Variants in TBC1D1 observed in about 807,000 individuals in gnomAD.
The protein encoded by TBC1D1 is TBC1 (tre-2/USP6, BUB2, cdc16) domain family, member 1.
Under a neutral mutation model 125.6 loss-of-function variants are expected in TBC1D1, and 89 were observed. The ratio of observed to expected loss-of-function variants is 0.71; its 90% confidence interval spans 0.60 to 0.85. The LOEUF is 0.85. Ranked by LOEUF, TBC1D1 falls within the 40% of genes least tolerant of loss-of-function variation. The pLI is 0.00. For missense variants in TBC1D1, 1,377 were observed against 1,469.2 expected (o/e 0.94, Z 1.03); for synonymous variants, 565 against 564.1 (o/e 1.00, Z -0.02).
intron 10 of TBC1D1, among the ~76,000 whole-genome samples, chr4:38,047,667 A>G (rs903392741): frequency 1.3e-5 from 2 of 152,180 alleles, no homozygotes; most frequent in Non-Finnish European, 2.9e-5. Context: ...AGAGTGTGGT[A>G]GGAGCCCAGA....
At chr4:38,078,798 G>A (rs781064425) in intron 12 of TBC1D1, among the ~76,000 whole-genome samples, 27 of 152,202 alleles carry the variant, frequency 1.8e-4, no homozygotes, top group South Asian at 2.1e-4. Context: ...AGAGCAGCCC[G>A]AGCTCCATTC....
rs1721986466 is a variant in TBC1D1 at position 37,925,803 on chromosome 4, T to A, written c.417+23291T>A. On this transcript the variant is annotated intron_variant, in intron 2 of 19. Coordinates refer to ENST00000261439, the MANE Select transcript of TBC1D1 (RefSeq NM_015173.4). ...CACCCTATAATCATGCCACTTGAGA[T>A]AACTGTTCTAAAAAAAAAGTTTAAA... Among the ~76,000 whole-genome samples, 2 of 151,780 alleles carry A rather than the reference T, an allele frequency of 1.3e-5. 1 individual carries two copies. The highest frequency in any genetic ancestry group is 1.3e-4 in the Admixed American group (2 of 15,252).
chr4:38,093,661 A>G (rs1049531857), intron 13 of TBC1D1, among the ~76,000 whole-genome samples: 1 of 151,558 alleles, frequency 6.6e-6, no homozygotes, highest in African/African-American at 2.4e-5. Flanking sequence ...AGTAGATTAC[A>G]GGCACCCACC....
At chr4:38,025,022 A>T (rs191356406) in intron 6 of TBC1D1, among the ~76,000 whole-genome samples, 86 of 152,366 alleles carry the variant, frequency 5.6e-4, no homozygotes, top group African/African-American at 2.1e-3. Context: ...TTTGAATCAT[A>T]TACAACTCAG....
intron 8 of TBC1D1, among the ~76,000 whole-genome samples, chr4:38,040,381 C>T (rs1237644077): frequency 6.6e-6 from 1 of 152,148 alleles, no homozygotes; most frequent in Admixed American, 6.5e-5. Flanking sequence ...CTCCGCCTCC[C>T]GGGTTCAAGC....
In TBC1D1 at chr4:38,014,682, C is replaced by CTTT; in HGVS notation, c.591_592insTTT (p.Ile197_Glu198insPhe). 2 of 1,613,148 alleles carry CTTT rather than the reference C, an allele frequency of 1.2e-6. No homozygotes were observed. Among genetic ancestry groups the CTTT allele is most frequent in the Non-Finnish European group, 1.7e-6 (2 of 1,180,014 alleles). ...CGCCGGCCCTGATCGACGAGTGCAT[C>CTTT]GAGAAGTTCAATCACGTCAGCGGCA... On this transcript the variant is annotated inframe_insertion, in exon 3 of 20. Transcript: ENST00000261439. The surrounding 1 kb of genome is among the most constrained non-coding windows in gnomAD (Gnocchi z 5.1).
At chr4:38,021,354 A>T (rs1489147710) in intron 5 of TBC1D1, among the ~76,000 whole-genome samples, 1 of 152,258 alleles carries the variant, frequency 6.6e-6, no homozygotes, top group Non-Finnish European at 1.5e-5. Flanking sequence ...GGGTGGGGAC[A>T]CAGCCAAACC....
At chr4:38,101,812 G>T (rs1760387161) in intron 14 of TBC1D1, among the ~76,000 whole-genome samples, 1 of 152,136 alleles carries the variant, frequency 6.6e-6, no homozygotes, top group Non-Finnish European at 1.5e-5. Flanking sequence ...AACCCTTCCA[G>T]CCTTCTTGCC....
intron 11 of TBC1D1, 138 bp downstream of exon 12, chr4:38,052,198 C>CGT (rs1400006493): frequency 1.7e-5 from 11 of 629,382 alleles, no homozygotes; most frequent in Admixed American, 3.1e-5. Flanking sequence ...TGTGTGTGCG[C>CGT]GCGCGTGTGT....
intron 12 of TBC1D1, among the ~76,000 whole-genome samples, chr4:38,078,296 C>T (rs1238278162): frequency 6.6e-6 from 1 of 152,164 alleles, no homozygotes; most frequent in African/African-American, 2.4e-5. Flanking sequence ...GCCTTGTTTC[C>T]TGGGCTTTAA....
At chr4:37,903,541 G>C (rs1324291976) in intron 2 of TBC1D1, among the ~76,000 whole-genome samples, 1 of 152,164 alleles carries the variant, frequency 6.6e-6, no homozygotes, top group Non-Finnish European at 1.5e-5. Context: ...GTGAAGCCTT[G>C]AAAGCTTCTC....
At chr4:38,124,826 TAAAAA>T in intron 17 of TBC1D1, 131 bp from the exon 20 acceptor site, 1 of 654,402 alleles carries the variant, frequency 1.5e-6, no homozygotes, top group Non-Finnish European at 2.6e-6. Flanking sequence ...ATCAGGCTCT[TAAAAA>T]TGAAATAAAG....
chr4:38,051,953 T>C lies in TBC1D1; in HGVS notation c.1910+2055T>C, dbSNP rs758979930. The C allele has an allele frequency of 5.2e-6, 8 of 1,550,596 alleles. No homozygotes were observed. In the South Asian group the frequency reaches 9.5e-5, roughly 18 times the overall value. On this transcript the variant is annotated intron_variant, in intron 11 of 19. Coordinates refer to ENST00000261439, the MANE Select transcript of TBC1D1 (RefSeq NM_015173.4). ...AGCACCGCCCAGGTCAGTCTTCAGC[T>C]CCTGCTCCTCCACCTCGTCTTAACC...
At chr4:37,926,974 G>A (rs746366108) in intron 2 of TBC1D1, among the ~76,000 whole-genome samples, 5 of 151,974 alleles carry the variant, frequency 3.3e-5, no homozygotes, top group Admixed American at 2.0e-4. Context: ...AAAATTACCC[G>A]GGCATGGTGG....
At chr4:38,057,417 C>T (rs553003932) in intron 12 of TBC1D1, among the ~76,000 whole-genome samples, 68 of 152,280 alleles carry the variant, frequency 4.5e-4, no homozygotes, top group Admixed American at 2.0e-3. Flanking sequence ...CACCCATCTC[C>T]GGCAGCTCCT....
At chr4:37,964,361 A>G (rs1730666596) in intron 2 of TBC1D1, among the ~76,000 whole-genome samples, 3 of 152,186 alleles carry the variant, frequency 2.0e-5, no homozygotes, top group South Asian at 2.1e-4. Context: ...ACTTCATGTA[A>G]GGTGATTCTA....
intron 2 of TBC1D1, among the ~76,000 whole-genome samples, chr4:37,925,411 T>C (rs539129501): frequency 6.6e-6 from 1 of 152,164 alleles, no homozygotes; most frequent in South Asian, 2.1e-4. Flanking sequence ...AAATTATATA[T>C]TACTTCTGAT....
intron 2 of TBC1D1, among the ~76,000 whole-genome samples, chr4:37,985,209 T>C (rs1168517893): frequency 2.0e-5 from 3 of 152,210 alleles, no homozygotes; most frequent in African/African-American, 7.2e-5. Flanking sequence ...TGCCTCAGCC[T>C]CCCAAAGTGC....
chr4:38,130,656 A>G (rs561956268), intron 18 of TBC1D1, among the ~76,000 whole-genome samples: 1 of 152,306 alleles, frequency 6.6e-6, no homozygotes, highest in East Asian at 1.9e-4. Flanking sequence ...TTGTGTAGTG[A>G]CCAGTGCTCA....
Sources: allele counts gnomAD v4.1 joint callset (sites outside exome capture counted in the v4.1 genomes callset), GRCh38; gene constraint gnomAD v4.1.1; non-coding constraint Gnocchi (gnomAD v3.1); transcripts MANE v1.5; gene names NCBI Gene and HGNC (gene_info 2026-07-23, HGNC 2026-07-21).